Variants in ARMC2 observed in about 807,000 individuals in gnomAD.
The protein encoded by ARMC2 is armadillo repeat containing 2.
A neutral mutation model predicts 90.3 loss-of-function variants in ARMC2; 67 were observed. The observed-to-expected ratio is 0.74, with a 90% CI of 0.61 to 0.91. ARMC2 has a LOEUF of 0.91. Among genes scored for constraint, ARMC2 ranks in the 40% least tolerant of loss-of-function variants. ARMC2 has a pLI of 0.00. For synonymous variants in ARMC2, 393 were observed against 393.0 expected, an observed-to-expected ratio of 1.00 and a Z score of 0.00; for missense variants, 920 against 1,030.9, an observed-to-expected ratio of 0.89 and a Z score of 1.47.
chr6:109,009,544 A>C, the ARMC2 span: 5 of 1,063,808 alleles, frequency 4.7e-6, no homozygotes, highest in East Asian at 2.4e-4. Context: ...CGCCTCAGTC[A>C]GCACGGACGG....
chr6:109,011,624 T>A, the ARMC2 span, among the ~76,000 whole-genome samples: 3 of 148,780 alleles, frequency 2.0e-5, no homozygotes, highest in African/African-American at 5.1e-5. Context: ...ATTTTTAAAA[T>A]TTTTTTTCTT....
the ARMC2 span, among the ~76,000 whole-genome samples, chr6:109,032,280 T>A: frequency 6.6e-6 from 1 of 151,212 alleles, no homozygotes. Flanking sequence ...CTCAAAAAAG[T>A]CTCAGAGTTT....
chr6:108,983,887 C>T, the ARMC2 span, among the ~76,000 whole-genome samples: 8 of 152,188 alleles, frequency 5.3e-5, no homozygotes, highest in Non-Finnish European at 1.0e-4. Context: ...TAATGCTTTA[C>T]AGCAGGGGTC....
chr6:108,968,960 T>C (rs184852714), intron 17 of ARMC2, among the ~76,000 whole-genome samples: 4 of 152,328 alleles, frequency 2.6e-5, no homozygotes, highest in Admixed American at 1.3e-4. Flanking sequence ...TCATGTCTTA[T>C]GAGCTCATAA....
At chr6:108,857,819 T>C (rs543554435) in intron 2 of ARMC2, among the ~76,000 whole-genome samples, 9 of 152,348 alleles carry the variant, frequency 5.9e-5, no homozygotes, top group Admixed American at 6.5e-5. Context: ...ATTTTCAAGG[T>C]AGTTGTCTTT....
downstream of ARMC2, among the ~76,000 whole-genome samples, chr6:108,975,152 C>G (rs964821912): frequency 2.6e-5 from 4 of 152,176 alleles, no homozygotes; most frequent in East Asian, 1.9e-4. Context: ...CTGTCCCTCC[C>G]CTAGCCCCCA....
chr6:108,997,505 A>G, the ARMC2 span, among the ~76,000 whole-genome samples: 1 of 152,166 alleles, frequency 6.6e-6, no homozygotes, highest in African/African-American at 2.4e-5. Context: ...TTCTTGTGCT[A>G]ATTTCACCAT....
chr6:108,891,387 A>G (rs747740220), intron 5 of ARMC2, among the ~76,000 whole-genome samples: 26 of 152,146 alleles, frequency 1.7e-4, no homozygotes, highest in Non-Finnish European at 3.1e-4. Flanking sequence ...AAGCATTCCT[A>G]TTTCTCCACA....
chr6:108,890,111 AC>A (rs1770812277), intron 5 of ARMC2, among the ~76,000 whole-genome samples: 1 of 139,104 alleles, frequency 7.2e-6, no homozygotes, highest in African/African-American at 2.7e-5. Flanking sequence ...AATGGCGTGA[AC>A]CCGGGAGGCG....
At chr6:108,895,835 A>T (rs1562363279) in intron 6 of ARMC2, among the ~76,000 whole-genome samples, 2 of 152,220 alleles carry the variant, frequency 1.3e-5, no homozygotes, top group Non-Finnish European at 2.9e-5. Flanking sequence ...TAACCCCTAG[A>T]GGGAGAGGAG....
chr6:109,022,359 G>T, the ARMC2 span, among the ~76,000 whole-genome samples: 1 of 135,884 alleles, frequency 7.4e-6, no homozygotes, highest in African/African-American at 2.7e-5. Context: ...GTTTCGATTT[G>T]ATATTAATAG....
the ARMC2 span, chr6:108,998,612 T>C: frequency 6.2e-7 from 1 of 1,614,014 alleles, no homozygotes; most frequent in South Asian, 1.1e-5. Flanking sequence ...GAGGTCTGAA[T>C]GTGTGGCCAC....
intron 4 of ARMC2, among the ~76,000 whole-genome samples, chr6:108,872,302 G>A (rs924276661): frequency 6.6e-6 from 1 of 152,198 alleles, no homozygotes; most frequent in African/African-American, 2.4e-5. Flanking sequence ...GTTTTTGGCT[G>A]GAGGTGGCAC....
At chr6:109,040,153 C>T in the ARMC2 span, among the ~76,000 whole-genome samples, 1 of 152,144 alleles carries the variant, frequency 6.6e-6, no homozygotes, top group Non-Finnish European at 1.5e-5. Context: ...TGCTAGTCTT[C>T]AACTACAGAA....
intron 17 of ARMC2, among the ~76,000 whole-genome samples, chr6:108,967,784 C>T (rs372135744): frequency 2.6e-5 from 4 of 152,124 alleles, no homozygotes; most frequent in Admixed American, 6.5e-5. Context: ...CCCGTGGATG[C>T]GAAGGGCTGA....
the ARMC2 span, among the ~76,000 whole-genome samples, chr6:109,027,700 C>T: frequency 6.6e-6 from 1 of 152,032 alleles, no homozygotes; most frequent in Non-Finnish European, 1.5e-5. Context: ...AGGGAGGCTC[C>T]TAACTATCCT....
intron 7 of ARMC2, among the ~76,000 whole-genome samples, chr6:108,901,502 A>G (rs1431600091): frequency 2.0e-5 from 3 of 151,252 alleles, no homozygotes; most frequent in Admixed American, 6.6e-5. Flanking sequence ...TGCAACCTCC[A>G]TCTCCTGGGT....
chr6:109,023,850 T>C, the ARMC2 span, among the ~76,000 whole-genome samples: 1 of 152,208 alleles, frequency 6.6e-6, no homozygotes, highest in African/African-American at 2.4e-5. Context: ...ATAATCATTA[T>C]TAAAGTCACT....
intron 1 of ARMC2, among the ~76,000 whole-genome samples, chr6:108,852,819 A>G (rs553008262): frequency 1.9e-4 from 29 of 152,338 alleles, no homozygotes; most frequent in African/African-American, 7.0e-4. Context: ...TCTTACTGCA[A>G]TAGGTCTTTT....
Sources: allele counts gnomAD v4.1 joint callset (sites outside exome capture counted in the v4.1 genomes callset), GRCh38; gene constraint gnomAD v4.1.1; transcripts MANE v1.5; gene names NCBI Gene and HGNC (gene_info 2026-07-23, HGNC 2026-07-21).